LEUTX: variants seen among roughly 807,000 people sequenced by gnomAD.
The protein encoded by LEUTX is paired-like homeodomain transcription factor LEUTX.
Under a neutral mutation model 4.5 loss-of-function variants are expected in LEUTX, and 5 were observed. That is an observed-to-expected ratio of 1.11 (90% CI 0.58 to 2.34). The LOEUF (loss-of-function observed/expected upper bound fraction) is 2.34. Among genes scored for constraint, LEUTX ranks in the 30% most tolerant of loss-of-function variants. The pLI is 0.01. For synonymous variants in LEUTX, 89 were observed against 85.1 expected (o/e 1.05, Z -0.25); for missense variants, 233 against 239.4 (o/e 0.97, Z 0.18).
chr19:39,777,287 CCT>C (rs1967810697), upstream of LEUTX, among the ~76,000 whole-genome samples: 1 of 152,190 alleles, frequency 6.6e-6, no homozygotes, highest in East Asian at 1.9e-4. Flanking sequence ...TGTCTTGTTT[CCT>C]TTTTTATTTC....
At chr19:39,778,279 G>A (rs1198797588), upstream of LEUTX, among the ~76,000 whole-genome samples, 4 of 152,066 alleles carry the variant, frequency 2.6e-5, no homozygotes, top group Non-Finnish European at 4.4e-5. Flanking sequence ...ACTCGTTATG[G>A]GCTCCCCAGC....
chr19:39,778,144 A>C (rs1466153199), upstream of LEUTX, among the ~76,000 whole-genome samples: 1 of 152,158 alleles, frequency 6.6e-6, no homozygotes, highest in African/African-American at 2.4e-5. Context: ...TAAATAAATG[A>C]GTTAATAAGG....
Position 39,784,579 on chromosome 19 carries a change from C to G in LEUTX, c.60C>G (p.Leu20=), listed in dbSNP as rs1029602022. 26 of 1,502,282 alleles carry G rather than the reference C, an allele frequency of 1.7e-5. No homozygotes were observed. The Admixed American group carries it at 4.9e-4, about 28-fold the overall frequency. The allele number at this position is 1,502,282 out of a possible 1,614,324, so 93.1% of individuals were successfully genotyped here. Residue 20 remains leucine, a synonymous_variant, in exon 2 of 3, where the codon CTC becomes CTG. Transcript: ENST00000638280. ...RPRTRFLSKQ[L]TALRELLEKT... is the part of the protein sequence containing the mutation. ...GCACAAGATTTCTCTCCAAACAACT[C>G]ACAGCATTGAGAGAATTGCTTGAAA...
chr19:39,785,865 T>C lies in LEUTX; in HGVS notation c.327T>C (p.Asp109=), dbSNP rs1045146578. The C allele has an allele frequency of 2.6e-6, 4 of 1,551,794 alleles. No individual in the cohort carries two copies. Among genetic ancestry groups the C allele is most frequent in the Non-Finnish European group, 3.5e-6 (4 of 1,147,010 alleles). Residue 109 remains aspartate, a synonymous_variant, in exon 3 of 3, where the codon GAT becomes GAC. Transcript: ENST00000638280. ...NIRPVSPGIS[D]ANDHDLREPS... Reference sequence around the variant, plus strand: ...GTCCAGTAAGTCCTGGAATCTCTGATGCAAATGACCATGATCTACGTGAGC... The same window carrying C: ...GTCCAGTAAGTCCTGGAATCTCTGACGCAAATGACCATGATCTACGTGAGC...
In LEUTX at chr19:39,778,876, C is replaced by G. The variant is rs1568514060; in HGVS notation, c.-45C>G. The stretch of plus-strand genomic sequence containing the variant: ...GTCACATAGACTCAGCTCAGGAGCT[C>G]TGCAGCACACAGCTGATCGAACCCA... On this transcript the variant is annotated 5_prime_UTR_variant, in exon 1 of 3. Transcript: ENST00000638280. 1 of 152,104 alleles carries G rather than the reference C, an allele frequency of 6.6e-6. No homozygotes were observed. The highest frequency in any genetic ancestry group is 1.5e-5 in the Non-Finnish European group (1 of 68,036). 9.4% of individuals were successfully genotyped at this position (152,104 alleles called of 1,614,324 possible). A position where few individuals can be genotyped will look rare whatever the true frequency, so the allele number is the denominator to read the frequency against.
intron 1 of LEUTX, among the ~76,000 whole-genome samples, 183 bp downstream of exon 1, chr19:39,779,110 T>C (rs1239078050): frequency 2.6e-5 from 4 of 152,062 alleles, no homozygotes; most frequent in Non-Finnish European, 5.9e-5. Flanking sequence ...ACTTAGGAAT[T>C]TGTTTCTCCA....
Position 39,786,056 on chromosome 19 carries a change from G to A in LEUTX, c.518G>A (p.Gly173Glu), listed in dbSNP as rs777493010. 1.4e-5 allele frequency: 22 copies of A among 1,551,368 alleles called. No individual in the cohort carries two copies. Among genetic ancestry groups the A allele is most frequent in the Non-Finnish European group, 1.8e-5 (21 of 1,146,942 alleles). Residue 173 changes from glycine to glutamate, a missense_variant, in exon 3 of 3, where the codon GGG becomes GAG. By Grantham distance (98) the Gly-to-Glu change is moderately conservative (BLOSUM62 -2). Coordinates refer to ENST00000638280, the MANE Select transcript of LEUTX (RefSeq NM_001382345.1). ...DEFVKIYDLP[G>E]EDDTSSLNQY... ...TTTGTAAAGATCTATGACTTGCCAGGGGAAGATGACACCAGCAGCCTAAAT... is the reference window on the plus strand; with the variant it reads ...TTTGTAAAGATCTATGACTTGCCAGAGGAAGATGACACCAGCAGCCTAAAT...
At chr19:39,780,822 A>T (rs1237774156) in intron 1 of LEUTX, among the ~76,000 whole-genome samples, 2 of 151,890 alleles carry the variant, frequency 1.3e-5, no homozygotes, top group Non-Finnish European at 2.9e-5. Context: ...CGAGCATATT[A>T]ATTTTAACAT....
intron 2 of LEUTX, among the ~76,000 whole-genome samples, chr19:39,785,381 C>T (rs147922722): frequency 1.0e-3 from 155 of 151,848 alleles, no homozygotes; most frequent in African/African-American, 3.6e-3. Flanking sequence ...AAGGCTGCAG[C>T]GAGCTATGAT....
intron 1 of LEUTX, among the ~76,000 whole-genome samples, chr19:39,782,354 C>T (rs1027429471): frequency 6.6e-6 from 1 of 152,092 alleles, no homozygotes; most frequent in Non-Finnish European, 1.5e-5. Flanking sequence ...GAATAAGTCT[C>T]ATAAGATCTG....
At chr19:39,782,994 A>C (rs938772791) in intron 1 of LEUTX, among the ~76,000 whole-genome samples, 1 of 151,960 alleles carries the variant, frequency 6.6e-6, no homozygotes, top group African/African-American at 2.4e-5. Flanking sequence ...AGCAGCATAC[A>C]CTGCACCATA....
chr19:39,782,639 C>T (rs1214619661), intron 1 of LEUTX, among the ~76,000 whole-genome samples: 1 of 152,102 alleles, frequency 6.6e-6, no homozygotes, highest in Non-Finnish European at 1.5e-5. Context: ...TGTTCCTCCT[C>T]CAGGGGCTGT....
At chr19:39,781,280 T>G (rs545744680) in intron 1 of LEUTX, among the ~76,000 whole-genome samples, 92 of 152,274 alleles carry the variant, frequency 6.0e-4, no homozygotes, top group African/African-American at 2.2e-3. Flanking sequence ...TTGGCTTCTG[T>G]TTTTCCATGT....
intron 1 of LEUTX, 88 bp from the exon 2 acceptor site, chr19:39,784,439 T>C (rs939047687): frequency 4.7e-6 from 3 of 634,148 alleles, no homozygotes; most frequent in Non-Finnish European, 5.7e-6. Flanking sequence ...CAGATTCTTT[T>C]GTCCCACAGG....
At chr19:39,780,004 A>G (rs1343551150) in intron 1 of LEUTX, among the ~76,000 whole-genome samples, 1 of 152,162 alleles carries the variant, frequency 6.6e-6, no homozygotes, top group Non-Finnish European at 1.5e-5. Flanking sequence ...ACAGAGCAAG[A>G]CTCTGTCTCA....
chr19:39,785,697 G>C lies in LEUTX; in HGVS notation c.160-1G>C, dbSNP rs1030065739. On this transcript the variant is annotated splice_acceptor_variant, in intron 2 of 2. Transcript: ENST00000638280. LOFTEE classifies it high-confidence loss of function. Reference sequence around the variant, plus strand: ...TAACCTCCCCCCTCCTCCCTCCTTAGATCTGGTTCAAGAACCAGCGTGCCA... The same window carrying C: ...TAACCTCCCCCCTCCTCCCTCCTTACATCTGGTTCAAGAACCAGCGTGCCA... 15 of 1,551,142 alleles carry C rather than the reference G, an allele frequency of 9.7e-6. No homozygotes were observed. The highest frequency in any genetic ancestry group is 1.3e-5 in the Non-Finnish European group (15 of 1,146,510).
intron 1 of LEUTX, among the ~76,000 whole-genome samples, chr19:39,784,088 C>T (rs1420184603): frequency 1.3e-5 from 2 of 151,940 alleles, no homozygotes; most frequent in Non-Finnish European, 2.9e-5. Context: ...GATAAAAGGG[C>T]GTCCATTGTC....
chr19:39,785,563 G>T (rs35955916), intron 2 of LEUTX, 135 bp from the exon 3 acceptor site: 68,556 of 669,928 alleles, frequency 0.1, 4,348 homozygotes, highest in African/African-American at 0.23. Flanking sequence ...GGACAGCAGA[G>T]AGTAGAAAGG....
chr19:39,782,876 T>A (rs907304875), intron 1 of LEUTX, among the ~76,000 whole-genome samples: 3 of 152,290 alleles, frequency 2.0e-5, no homozygotes, highest in African/African-American at 7.2e-5. Flanking sequence ...AAAACATTTT[T>A]AAATTTTTTT....
Sources: allele counts gnomAD v4.1 joint callset (sites outside exome capture counted in the v4.1 genomes callset), GRCh38; gene constraint gnomAD v4.1.1; transcripts MANE v1.5; gene names NCBI Gene and HGNC (gene_info 2026-07-23, HGNC 2026-07-21).